Variants in SYNE2 observed in about 807,000 individuals in gnomAD.
The protein encoded by SYNE2 is spectrin repeat containing nuclear envelope protein 2, also known as nesprin-2.
SYNE2 carries 431 observed loss-of-function variants against 856.3 expected under a neutral mutation model. The observed-to-expected ratio is 0.50, with a 90% CI of 0.47 to 0.55. The LOEUF is 0.55. Ranked by LOEUF, SYNE2 falls within the 20% of genes least tolerant of loss-of-function variation. SYNE2 has a pLI of 0.00. For synonymous variants in SYNE2, 2,923 were observed against 2,872.3 expected, an observed-to-expected ratio of 1.02 and a Z score of -0.56; for missense variants, 8,129 against 8,023.2, an observed-to-expected ratio of 1.01 and a Z score of -0.50.
chr14:64,223,189 C>T lies in SYNE2; in HGVS notation c.20191C>T (p.Gln6731Ter). ...TTTCACACACTTTATCTGTTTTCAG[C>T]AACTGGAAAAGGAGCTGGTAGAACG... is the stretch of plus-strand genomic sequence containing the variant. ...ALLECRRELM[Q>*]LEKELVERQP... Residue 6731 changes from glutamine to a stop codon, truncating the protein, a stop_gained and splice_region_variant, in exon 113 of 116, where the codon CAA becomes TAA. Coordinates refer to ENST00000555002, the MANE Select transcript of SYNE2 (RefSeq NM_182914.3). LOFTEE classifies it high-confidence loss of function. 6.2e-7 allele frequency: 1 copy of T among 1,613,630 alleles called. No individual in the cohort carries two copies. Among genetic ancestry groups the T allele is most frequent in the Non-Finnish European group, 8.5e-7 (1 of 1,179,818 alleles).
chr14:63,948,997 A>G (rs1054515758), intron 6 of SYNE2, among the ~76,000 whole-genome samples: 1 of 151,692 alleles, frequency 6.6e-6, no homozygotes. Context: ...CGCTCGTGAA[A>G]GGAATGTTGG....
intron 23 of SYNE2, among the ~76,000 whole-genome samples, chr14:63,996,492 G>A (rs914628941): frequency 6.6e-6 from 1 of 151,900 alleles, no homozygotes; most frequent in African/African-American, 2.4e-5. Flanking sequence ...CCCTCCTGCT[G>A]TGCCGTGTAC....
chr14:64,023,044 C>G (rs757016553), intron 38 of SYNE2, 181 bp downstream of exon 38: 2 of 582,898 alleles, frequency 3.4e-6, no homozygotes, highest in Non-Finnish European at 6.1e-6. Context: ...GCCTGGGTCT[C>G]GAACTTTGGT....
rs2097906668 is a variant in SYNE2 at position 64,122,649 on chromosome 14, C to T, written c.13422+222C>T. The T allele has an allele frequency of 1.1e-5, 7 of 632,986 alleles. No individual in the cohort carries two copies. The South Asian group carries it at 1.3e-4, about 12-fold the overall frequency. The allele number at this position is 632,986 out of a possible 1,614,324, so 39.2% of individuals were successfully genotyped here. ...TCATCAGAGCTGTTATTTATAACAA[C>T]TATCCGCCTGTTTGTTTATAGTCTG... On this transcript the variant is annotated intron_variant, in intron 70 of 115. Transcript: ENST00000555002.
intron 1 of SYNE2, among the ~76,000 whole-genome samples, chr14:63,806,989 A>G (rs1201723186): frequency 1.3e-5 from 2 of 151,676 alleles, no homozygotes; most frequent in South Asian, 4.2e-4. Flanking sequence ...TGCTAGGATT[A>G]CAGGTGTGAG....
At chr14:64,179,210 C>T (rs930969235) in intron 96 of SYNE2, among the ~76,000 whole-genome samples, 17 of 152,174 alleles carry the variant, frequency 1.1e-4, no homozygotes, top group African/African-American at 2.4e-5. Context: ...AATCTTGGCT[C>T]ACTGTAACCT....
In SYNE2 at chr14:64,120,273, A is replaced by G. The variant is rs568331624; in HGVS notation, c.13024-654A>G. ...TGTTCTCTCTTTTTAAAAAAAATGT[A>G]TTTTAGCCATAGGGGAAATTTGAAT... On this transcript the variant is annotated intron_variant, in intron 67 of 115. Coordinates refer to ENST00000555002, the MANE Select transcript of SYNE2 (RefSeq NM_182914.3). Among the ~76,000 whole-genome samples the G allele has an allele frequency of 7.2e-5, 11 of 152,250 alleles. No homozygotes were observed. In the East Asian group the frequency reaches 1.9e-3, roughly 27 times the overall value.
intron 2 of SYNE2, among the ~76,000 whole-genome samples, chr14:63,925,681 G>A (rs892380327): frequency 5.9e-5 from 9 of 152,116 alleles, no homozygotes; most frequent in South Asian, 4.2e-4. Context: ...CTTCCCAGCC[G>A]CTGGTAACCA....
At chr14:64,067,444 T>C (rs895505152) in intron 51 of SYNE2, among the ~76,000 whole-genome samples, 5 of 152,204 alleles carry the variant, frequency 3.3e-5, no homozygotes, top group Non-Finnish European at 7.4e-5. Flanking sequence ...ACTTACATGA[T>C]ATTTACATAC....
intron 45 of SYNE2, among the ~76,000 whole-genome samples, chr14:64,044,706 G>C (rs1294697485): frequency 6.6e-6 from 1 of 152,172 alleles, no homozygotes; most frequent in Non-Finnish European, 1.5e-5. Context: ...TAGTGAATGA[G>C]TCTCATGAGA....
chr14:64,105,565 C>T (rs2097765566), intron 64 of SYNE2, among the ~76,000 whole-genome samples: 2 of 152,072 alleles, frequency 1.3e-5, no homozygotes, highest in South Asian at 4.1e-4. Flanking sequence ...TTAATTTGTC[C>T]AAGATCATAC....
intron 98 of SYNE2, 64 bp from the exon 99 acceptor site, chr14:64,190,007 G>A (rs2098510731): frequency 6.5e-7 from 1 of 1,528,654 alleles, no homozygotes; most frequent in South Asian, 1.1e-5. Flanking sequence ...CTCTATGTCT[G>A]TGGCTGGAGA....
chr14:63,940,410 A>G (rs1001548621), intron 2 of SYNE2, among the ~76,000 whole-genome samples: 7 of 152,030 alleles, frequency 4.6e-5, no homozygotes, highest in Non-Finnish European at 1.0e-4. Flanking sequence ...CAACAAACCC[A>G]TGGTTTTAAA....
At chr14:64,057,775 A>C (rs1432564178) in intron 49 of SYNE2, among the ~76,000 whole-genome samples, 1 of 152,156 alleles carries the variant, frequency 6.6e-6, no homozygotes, top group Non-Finnish European at 1.5e-5. Context: ...CATCCTTGCC[A>C]GCATTTATTA....
chr14:63,803,547 G>C (rs1211943521), intron 1 of SYNE2, among the ~76,000 whole-genome samples: 2 of 152,232 alleles, frequency 1.3e-5, no homozygotes, highest in Admixed American at 1.3e-4. Flanking sequence ...AGGGCTGGCC[G>C]GCTGCTCCGA....
At position 63,773,210 on chromosome 14, in the gene SYNE2, A is replaced by T. The variant is rs182039639; in HGVS notation, c.-305+11224A>T. On this transcript the variant is annotated intron_variant, in intron 1 of 23. Coordinates refer to the SYNE2 transcript ENST00000674003. ...GCTATTTATTTTATTGCTTAAAAAA[A>T]TTTTTTTTGGACAGGGTCTCACTCT... 5.7e-3 allele frequency among the ~76,000 whole-genome samples: 869 copies of T among 151,782 alleles called. 6 individuals are homozygous for T. Among genetic ancestry groups the T allele is most frequent in the Non-Finnish European group, 9.3e-3 (629 of 67,880 alleles).
chr14:64,159,583 T>C (rs1439244415), intron 87 of SYNE2, 141 bp downstream of exon 87: 2 of 970,126 alleles, frequency 2.1e-6, no homozygotes, highest in Non-Finnish European at 1.6e-6. Context: ...TCTGCTTTGA[T>C]GAATCTAGTC....
chr14:63,779,368 A>G (rs943050926), intron 1 of SYNE2, among the ~76,000 whole-genome samples: 2 of 150,190 alleles, frequency 1.3e-5, no homozygotes, highest in Non-Finnish European at 3.0e-5. Flanking sequence ...AAAATCAGTA[A>G]TCTAAATTTC....
At chr14:63,995,730 C>CATCT (rs373410347) in intron 23 of SYNE2, among the ~76,000 whole-genome samples, 46,100 of 113,124 alleles carry the variant, frequency 0.41, 7,981 homozygotes, top group Non-Finnish European at 0.47. Context: ...TATATCTATC[C>CATCT]ATCTATCTAT....
Sources: gnomAD v4.1 joint callset for allele counts (sites outside exome capture counted in the v4.1 genomes callset) on GRCh38, gnomAD v4.1.1 for gene constraint, MANE v1.5 for transcripts, NCBI Gene and HGNC (gene_info 2026-07-23, HGNC 2026-07-21) for gene names.